The following CTNNA2 variants were observed in gnomAD, a reference collection of about 807,000 sequenced individuals.
The protein encoded by CTNNA2 is catenin alpha 2.
A neutral mutation model predicts 101.0 loss-of-function variants in CTNNA2; 42 were observed. That is an observed-to-expected ratio of 0.42 (90% CI 0.32 to 0.54). The LOEUF is 0.54. Among genes scored for constraint, CTNNA2 ranks in the 20% least tolerant of loss-of-function variants. CTNNA2 has a pLI of 0.14. For synonymous variants in CTNNA2, 450 were observed against 456.4 expected (o/e 0.99, Z 0.18); for missense variants, 871 against 1,223.1 (o/e 0.71, Z 4.29).
At chr2:80,249,992 C>T (rs1041564985) in intron 7 of CTNNA2, among the ~76,000 whole-genome samples, 3 of 151,922 alleles carry the variant, frequency 2.0e-5, no homozygotes, top group African/African-American at 4.8e-5. Context: ...GATTATGAGT[C>T]GAAAGAATTG....
intron 7 of CTNNA2, among the ~76,000 whole-genome samples, chr2:80,025,337 G>A (rs1387948188): frequency 6.6e-6 from 1 of 152,208 alleles, no homozygotes; most frequent in Admixed American, 6.5e-5. Context: ...CCTGCCTCCT[G>A]TCGGTATCAG....
At chr2:79,909,467 G>T in intron 6 of CTNNA2, 127 bp from the exon 7 acceptor site, 1 of 667,660 alleles carries the variant, frequency 1.5e-6, no homozygotes, top group South Asian at 2.4e-5. Context: ...TTTAGAATTT[G>T]AGTAACCAGT....
At chr2:79,491,805 A>G (rs908344584) in intron 4 of CTNNA2, among the ~76,000 whole-genome samples, 2 of 152,318 alleles carry the variant, frequency 1.3e-5, no homozygotes, top group Middle Eastern at 3.4e-3. Context: ...TTAAGCAGCA[A>G]CAGAAATATG....
intron 1 of CTNNA2, among the ~76,000 whole-genome samples, chr2:79,578,366 A>G (rs1181683793): frequency 6.6e-6 from 1 of 152,190 alleles, no homozygotes; most frequent in Non-Finnish European, 1.5e-5. Context: ...ATATTCAGAC[A>G]CTAATACTTT....
chr2:79,620,819 G>T (rs1193015368), intron 1 of CTNNA2, among the ~76,000 whole-genome samples: 3 of 152,118 alleles, frequency 2.0e-5, no homozygotes, highest in African/African-American at 7.2e-5. Context: ...CAAGCTGAGG[G>T]CATCATGTGG....
intron 4 of CTNNA2, among the ~76,000 whole-genome samples, chr2:79,392,994 T>G (rs1418118907): frequency 6.6e-6 from 1 of 152,212 alleles, no homozygotes; most frequent in Non-Finnish European, 1.5e-5. Context: ...ATCTCAATAC[T>G]TCTTCAAGCG....
intron 7 of CTNNA2, among the ~76,000 whole-genome samples, chr2:79,967,824 C>G (rs1400129711): frequency 1.3e-5 from 2 of 152,156 alleles, no homozygotes; most frequent in Non-Finnish European, 2.9e-5. Flanking sequence ...ACCCAAATGG[C>G]TATCAACAGA....
At chr2:80,596,010 C>G (rs1049093944) in intron 15 of CTNNA2, among the ~76,000 whole-genome samples, 2 of 152,034 alleles carry the variant, frequency 1.3e-5, no homozygotes, top group African/African-American at 4.8e-5. Flanking sequence ...GAATGTTTTT[C>G]CATTTGTTTG....
At chr2:80,616,192 A>C (rs1274084852) in intron 17 of CTNNA2, among the ~76,000 whole-genome samples, 1 of 151,670 alleles carries the variant, frequency 6.6e-6, no homozygotes, top group Non-Finnish European at 1.5e-5. Context: ...GCAACTGAGA[A>C]TATCCTGGAG....
In CTNNA2 at chr2:80,608,413, A is replaced by G. The variant is rs191909709; in HGVS notation, c.2430+95A>G. ...ACAGTACTGCTAAAAACACCAAACTACAGTGATTTATAGGGAGGGCTTTTT... is the reference window on the plus strand; with the variant it reads ...ACAGTACTGCTAAAAACACCAAACTGCAGTGATTTATAGGGAGGGCTTTTT... On this transcript the variant is annotated intron_variant, in intron 17 of 18. Transcript: ENST00000402739. The G allele has an allele frequency of 9.8e-4, 1,322 of 1,347,482 alleles. 2 individuals are homozygous for G. Among genetic ancestry groups the G allele is most frequent in the Non-Finnish European group, 1.2e-3 (1,208 of 979,790 alleles). The allele number at this position is 1,347,482 out of a possible 1,614,324, so 83.5% of individuals were successfully genotyped here. A position where few individuals can be genotyped will look rare whatever the true frequency, so the allele number is the denominator to read the frequency against.
At chr2:79,599,067 C>G (rs74352374) in intron 1 of CTNNA2, among the ~76,000 whole-genome samples, 1 of 152,156 alleles carries the variant, frequency 6.6e-6, no homozygotes, top group Non-Finnish European at 1.5e-5. Context: ...TATCTTTGCT[C>G]CATTCTGTTG....
chr2:80,471,752 G>A (rs1348358155), intron 9 of CTNNA2, among the ~76,000 whole-genome samples: 3 of 152,154 alleles, frequency 2.0e-5, no homozygotes, highest in South Asian at 2.1e-4. Context: ...AAAAAGGAAG[G>A]GTGAGTAACA....
intron 18 of CTNNA2, among the ~76,000 whole-genome samples, chr2:80,641,514 G>A (rs1673481738): frequency 6.6e-6 from 1 of 152,022 alleles, no homozygotes; most frequent in African/African-American, 2.4e-5. Context: ...AACATTCTAA[G>A]ACATTTACTA....
intron 9 of CTNNA2, among the ~76,000 whole-genome samples, chr2:80,501,391 A>C (rs1687869808): frequency 6.6e-6 from 1 of 152,212 alleles, no homozygotes; most frequent in Non-Finnish European, 1.5e-5. Context: ...TATTACTAAC[A>C]AATCCCTTAG....
intron 7 of CTNNA2, among the ~76,000 whole-genome samples, chr2:80,333,858 A>T (rs1671558692): frequency 6.6e-6 from 1 of 152,176 alleles, no homozygotes; most frequent in African/African-American, 2.4e-5. Flanking sequence ...CCTGGCCTCA[A>T]GTGATCCGCC....
chr2:79,618,880 A>C (rs1678813433), intron 1 of CTNNA2, among the ~76,000 whole-genome samples: 1 of 152,206 alleles, frequency 6.6e-6, no homozygotes, highest in African/African-American at 2.4e-5. Flanking sequence ...AGGGATATGC[A>C]CATAAATATA....
chr2:79,199,546 C>T (rs753524520), intron 2 of CTNNA2, among the ~76,000 whole-genome samples: 1 of 151,864 alleles, frequency 6.6e-6, no homozygotes, highest in Non-Finnish European at 1.5e-5. Context: ...TTTTTTATCT[C>T]GAATATAGTG....
At chr2:79,710,706 G>C (rs1001828424) in intron 2 of CTNNA2, among the ~76,000 whole-genome samples, 2 of 152,078 alleles carry the variant, frequency 1.3e-5, no homozygotes, top group Non-Finnish European at 2.9e-5. Context: ...GGAGAAAGTA[G>C]ATGTGTGTAT....
chr2:80,599,932 A>G (rs1451112817), intron 15 of CTNNA2, among the ~76,000 whole-genome samples: 6 of 86,976 alleles, frequency 6.9e-5, no homozygotes, highest in Non-Finnish European at 1.1e-4. Context: ...CACTCCCCCC[A>G]CCCCAAGTAG....
Sources: gnomAD v4.1 joint callset for allele counts (sites outside exome capture counted in the v4.1 genomes callset) on GRCh38, gnomAD v4.1.1 for gene constraint, MANE v1.5 for transcripts, NCBI Gene and HGNC (gene_info 2026-07-23, HGNC 2026-07-21) for gene names.